ARRDC1: variants seen among roughly 807,000 people sequenced by gnomAD.
The protein encoded by ARRDC1 is arrestin domain containing 1.
A neutral mutation model predicts 40.1 loss-of-function variants in ARRDC1; 37 were observed. The observed-to-expected ratio is 0.92, with a 90% confidence interval of 0.71 to 1.21. ARRDC1 has a LOEUF of 1.21. Among genes scored for constraint, ARRDC1 ranks in the 50% most tolerant of loss-of-function variants. ARRDC1 has a pLI of 0.00. For synonymous variants in ARRDC1, 310 were observed against 262.5 expected (o/e 1.18, Z -1.75); for missense variants, 641 against 581.9 (o/e 1.10, Z -1.04).
At chr9:137,610,235 A>G (rs908984237) in intron 1 of ARRDC1, among the ~76,000 whole-genome samples, 1 of 152,174 alleles carries the variant, frequency 6.6e-6, no homozygotes, top group Admixed American at 6.5e-5. Flanking sequence ...ATTTTATTAT[A>G]TCTCACAGCG....
In ARRDC1 at chr9:137,614,862, T is replaced by A. The variant is rs1842638008; in HGVS notation, c.1099T>A (p.Ser367Thr). The A allele has an allele frequency of 6.2e-7, 1 of 1,613,434 alleles. No individual in the cohort carries two copies. Among genetic ancestry groups the A allele is most frequent in the East Asian group, 2.2e-5 (1 of 44,882 alleles). The part of the protein sequence containing the change: ...EPCPQDGSPA[S>T]HPLHPPLCIS... ...CTGCCCTCAGGATGGCAGCCCTGCCTCACACCCGCTGCACCCTCCCTTGTG... is the reference window on the plus strand; with the variant it reads ...CTGCCCTCAGGATGGCAGCCCTGCCACACACCCGCTGCACCCTCCCTTGTG... Residue 367 changes from serine to threonine, a missense_variant, in exon 7 of 8, where the codon TCA becomes ACA. Coordinates refer to ENST00000371421, the MANE Select transcript of ARRDC1 (RefSeq NM_152285.4).
intron 1 of ARRDC1, 106 bp from the exon 2 acceptor site, chr9:137,612,790 C>G (rs1245144244): frequency 2.5e-6 from 2 of 809,428 alleles, no homozygotes; most frequent in Admixed American, 4.9e-5. Context: ...TCCCAGGACC[C>G]TGCCCAGGTG....
At position 137,614,320 on chromosome 9, in the gene ARRDC1, C is replaced by G. The variant is rs147985210; in HGVS notation, c.640C>G (p.Arg214Gly). The G allele has an allele frequency of 6.2e-6, 10 of 1,605,580 alleles. No individual in the cohort carries two copies. Among genetic ancestry groups the G allele is most frequent in the Non-Finnish European group, 8.5e-6 (10 of 1,175,712 alleles). Residue 214 changes from arginine to glycine, a missense_variant, in exon 6 of 8, where the codon CGC becomes GGC. By Grantham distance (125) the Arg-to-Gly change is moderately radical. Transcript: ENST00000371421. ...CCAGAAAGTGTCCTATAAGGCCAAG[C>G]GCTGGATCCACGACGTACGGACCAT... is the stretch of plus-strand genomic sequence containing the variant. ...LLQKVSYKAK[R>G]WIHDVRTIAE... is the part of the protein sequence containing the mutation.
intron 1 of ARRDC1, chr9:137,612,669 G>A (rs117926800): frequency 6.0e-6 from 3 of 496,460 alleles, no homozygotes; most frequent in East Asian, 3.7e-5. Flanking sequence ...CAGGGCAGAC[G>A]TCGTTTTGTG....
chr9:137,610,437 C>G (rs950344506), intron 1 of ARRDC1, among the ~76,000 whole-genome samples: 13 of 152,076 alleles, frequency 8.5e-5, no homozygotes, highest in African/African-American at 3.1e-4. Context: ...GCTCTGTCAC[C>G]CAGGCTAAAG....
intron 1 of ARRDC1, among the ~76,000 whole-genome samples, chr9:137,607,841 C>G (rs776647402): frequency 1.2e-4 from 19 of 152,072 alleles, no homozygotes; most frequent in Admixed American, 3.9e-4. Context: ...AGGTGGGAGC[C>G]CCAGCTGGAG....
chr9:137,613,149 A>C (rs1486746852), intron 2 of ARRDC1, 143 bp downstream of exon 2: 1 of 809,938 alleles, frequency 1.2e-6, no homozygotes, highest in African/African-American at 1.7e-5. Context: ...GTGGGCCCTG[A>C]TGGCTTTCTC....
At position 137,613,164 on chromosome 9, in the gene ARRDC1, G is replaced by A. The variant is rs535600673; in HGVS notation, c.229+158G>A. The A allele has an allele frequency of 1.9e-5, 15 of 771,678 alleles. No individual in the cohort carries two copies. In the African/African-American group the frequency reaches 2.2e-4, roughly 11 times the overall value. 47.8% of individuals were successfully genotyped at this position (771,678 alleles called of 1,614,324 possible). A position where few individuals can be genotyped will look rare whatever the true frequency, so the allele number is the denominator to read the frequency against. ...GTGGGCCCTGATGGCTTTCTCATAG[G>A]CGCTGGGTGGCTGAAGGGGCCACCT... On this transcript the variant is annotated intron_variant, in intron 2 of 7. Transcript: ENST00000371421.
intron 1 of ARRDC1, among the ~76,000 whole-genome samples, chr9:137,610,066 G>A (rs1007749262): frequency 7.2e-5 from 11 of 151,860 alleles, no homozygotes; most frequent in Non-Finnish European, 1.0e-4. Context: ...TGCCCGCCTC[G>A]GCCTCCCACA....
chr9:137,613,290 C>T (rs774540736), intron 2 of ARRDC1, 170 bp from the exon 3 acceptor site: 5 of 815,960 alleles, frequency 6.1e-6, no homozygotes, highest in African/African-American at 1.7e-5. Context: ...AGCTCTTATC[C>T]TCAGTCCTTC....
rs116139457 is a variant in ARRDC1 at position 137,610,441 on chromosome 9, G to A, written c.119-2455G>A. Reference sequence around the variant, plus strand: ...GATGAAGTCTCGCTCTGTCACCCAGGCTAAAGTGCATTTGTGCGATCTCAG... The same window carrying A: ...GATGAAGTCTCGCTCTGTCACCCAGACTAAAGTGCATTTGTGCGATCTCAG... On this transcript the variant is annotated intron_variant, in intron 1 of 7. Transcript: ENST00000371421. Among the ~76,000 whole-genome samples, 1,407 of 152,122 alleles carry A rather than the reference G, an allele frequency of 9.2e-3. 28 individuals are homozygous for A. Among genetic ancestry groups the A allele is most frequent in the African/African-American group, 0.032 (1,348 of 41,478 alleles).
intron 1 of ARRDC1, 39 bp downstream of exon 1, chr9:137,605,874 T>C: frequency 8.6e-7 from 1 of 1,159,998 alleles, no homozygotes; most frequent in East Asian, 3.4e-5. Context: ...TGGCCGCACC[T>C]GCGCGGGGCC....
chr9:137,606,358 GGGCGC>G (rs1842423554), intron 1 of ARRDC1, among the ~76,000 whole-genome samples: 1 of 152,214 alleles, frequency 6.6e-6, no homozygotes, highest in African/African-American at 2.4e-5. Flanking sequence ...GCCGCTGGCA[GGGCGC>G]CCTGGAGGTG....
rs201966655 is a variant in ARRDC1 at position 137,614,241 on chromosome 9, C to A, written c.618+27C>A. The A allele has an allele frequency of 2.5e-6, 4 of 1,579,034 alleles. No individual in the cohort carries two copies. The East Asian group carries it at 9.0e-5, about 36-fold the overall frequency. ...TCAGAGCCCCCGCCAGTTGCCTGGA[C>A]CGGCCTCCTGGGGTGGGCTGGCAGC... is the stretch of plus-strand genomic sequence containing the variant. On this transcript the variant is annotated intron_variant, in intron 5 of 7. Transcript: ENST00000371421.
Position 137,614,559 on chromosome 9 carries a change from G to A in ARRDC1, c.796G>A (p.Val266Ile). 1 of 1,613,044 alleles carries A rather than the reference G, an allele frequency of 6.2e-7. No homozygotes were observed. Residue 266 changes from valine to isoleucine, a missense_variant and splice_region_variant, in exon 7 of 8, where the codon GTC (valine) becomes ATC (isoleucine). Val to Ile is a conservative substitution (Grantham distance 29, BLOSUM62 3). Transcript: ENST00000371421. ...CATGCCCCACCTCAATCCTGTCCAG[G>A]TCTCTCTGAAGGCGCCGGAAGCTAC... ...SLIHIDYYLQ[V>I]SLKAPEATVT...
intron 7 of ARRDC1, 24 bp from the exon 8 acceptor site, chr9:137,615,050 G>A (rs761370288): frequency 3.7e-6 from 6 of 1,609,594 alleles, no homozygotes; most frequent in East Asian, 2.2e-5. Flanking sequence ...AGAGCCCCAC[G>A]CAGACCCTGC....
chr9:137,615,131 A>G lies in ARRDC1; in HGVS notation c.1295A>G (p.Glu432Gly), dbSNP rs1304095746. ...CGGVEPSLTP[E>G]S ...GGCGTGGAACCCAGCCTGACCCCTG[A>G]GAGCTGACCCCGTGCTGCCTTCTCC... Residue 432 changes from glutamate (E) to glycine (G), a missense_variant, in exon 8 of 8, where the codon GAG (glutamate) becomes GGG (glycine). Coordinates refer to ENST00000371421, the MANE Select transcript of ARRDC1 (RefSeq NM_152285.4). 3 of 1,538,796 alleles carry G rather than the reference A, an allele frequency of 1.9e-6. No homozygotes were observed. Among genetic ancestry groups the G allele is most frequent in the Non-Finnish European group, 2.6e-6 (3 of 1,141,266 alleles).
intron 1 of ARRDC1, 86 bp downstream of exon 1, chr9:137,605,921 G>A: frequency 3.5e-6 from 3 of 846,590 alleles, no homozygotes; most frequent in Non-Finnish European, 4.7e-6. Flanking sequence ...CCTGGCCCCG[G>A]GTTGGGCCCG....
At chr9:137,613,212 G>A in intron 2 of ARRDC1, 1 of 737,236 alleles carries the variant, frequency 1.4e-6, no homozygotes, top group East Asian at 2.7e-5. Context: ...GGATTTGGGT[G>A]GGCTCTGACC....
Sources: allele counts gnomAD v4.1 joint callset (sites outside exome capture counted in the v4.1 genomes callset), GRCh38; gene constraint gnomAD v4.1.1; transcripts MANE v1.5; gene names NCBI Gene and HGNC (gene_info 2026-07-23, HGNC 2026-07-21).